The following CDH18 variants were observed in gnomAD, a reference collection of about 807,000 sequenced individuals.
CDH18 encodes cadherin 18.
In CDH18, 31 loss-of-function variants were observed where a neutral mutation model predicts 67.9. The observed-to-expected ratio is 0.46, with a 90% confidence interval of 0.34 to 0.62. The LOEUF is 0.62. Ranked by LOEUF, CDH18 falls within the 20% of genes least tolerant of loss-of-function variation. CDH18 has a pLI of 0.01. For synonymous variants in CDH18, 362 were observed against 347.2 expected, an observed-to-expected ratio of 1.04 and a Z score of -0.48; for missense variants, 890 against 975.5, an observed-to-expected ratio of 0.91 and a Z score of 1.17.
intron 5 of CDH18, among the ~76,000 whole-genome samples, chr5:19,683,854 C>G (rs1453975940): frequency 6.6e-6 from 1 of 152,058 alleles, no homozygotes; most frequent in Non-Finnish European, 1.5e-5. Context: ...ACACGTGTCC[C>G]CTGTTTCACT....
intron 2 of CDH18, among the ~76,000 whole-genome samples, chr5:20,059,217 T>G (rs1427848301): frequency 6.6e-6 from 1 of 152,138 alleles, no homozygotes; most frequent in Non-Finnish European, 1.5e-5. Context: ...GATTCTTCTC[T>G]CTTTTCTTCT....
At chr5:19,622,437 G>T (rs948454600) in intron 5 of CDH18, among the ~76,000 whole-genome samples, 2 of 152,178 alleles carry the variant, frequency 1.3e-5, no homozygotes, top group African/African-American at 2.4e-5. Context: ...ATCTTGGCTT[G>T]AGGGATTAAC....
At chr5:19,530,102 C>G (rs1279503116) in intron 9 of CDH18, among the ~76,000 whole-genome samples, 1 of 152,030 alleles carries the variant, frequency 6.6e-6, no homozygotes, top group Non-Finnish European at 1.5e-5. Context: ...GTCAGTGGTA[C>G]CAATGAGAGC....
chr5:20,544,521 T>C (rs1445403705), intron 1 of CDH18, among the ~76,000 whole-genome samples: 3 of 151,968 alleles, frequency 2.0e-5, no homozygotes, highest in Non-Finnish European at 2.9e-5. Context: ...AAACTAACAA[T>C]CATATTGGAA....
chr5:20,042,448 C>T (rs933150844), intron 2 of CDH18, among the ~76,000 whole-genome samples: 3 of 152,148 alleles, frequency 2.0e-5, no homozygotes, highest in African/African-American at 7.2e-5. Context: ...AAAAGACATA[C>T]TTCAAATCAT....
intron 5 of CDH18, 57 bp downstream of exon 5, chr5:19,721,290 G>T: frequency 1.4e-6 from 2 of 1,467,430 alleles, no homozygotes; most frequent in Non-Finnish European, 1.8e-6. Flanking sequence ...AAAAACCATT[G>T]CTTTGCAACT....
rs553458514 is a variant in CDH18 at position 20,405,982 on chromosome 5, G to C, written c.-579-150477C>G. On this transcript the variant is annotated intron_variant, in intron 1 of 14. Transcript: ENST00000507958. ...AAATAGGAACACTTTTACACTGTTGGTGGGACTGTAAACGAGTTCAACCAT... is the reference window on the plus strand; with the variant it reads ...AAATAGGAACACTTTTACACTGTTGCTGGGACTGTAAACGAGTTCAACCAT... Among the ~76,000 whole-genome samples the C allele has an allele frequency of 8.5e-5, 13 of 152,260 alleles. No homozygotes were observed. The East Asian group carries it at 2.3e-3, about 27-fold the overall frequency.
intron 1 of CDH18, among the ~76,000 whole-genome samples, chr5:20,260,295 T>C (rs1744550426): frequency 6.6e-6 from 1 of 151,966 alleles, no homozygotes; most frequent in Admixed American, 6.6e-5. Context: ...ATAAATGTTG[T>C]CCTATCCTTG....
At chr5:19,955,536 C>T (rs1293710675) in intron 2 of CDH18, among the ~76,000 whole-genome samples, 1 of 151,992 alleles carries the variant, frequency 6.6e-6, no homozygotes, top group Admixed American at 6.6e-5. Context: ...AAAGAATACA[C>T]ATTAAGAGGA....
chr5:20,059,789 G>A (rs753029423), intron 2 of CDH18, among the ~76,000 whole-genome samples: 2 of 152,144 alleles, frequency 1.3e-5, no homozygotes, highest in Non-Finnish European at 2.9e-5. Flanking sequence ...GGATTACTAT[G>A]CAGCTATAAA....
intron 2 of CDH18, among the ~76,000 whole-genome samples, chr5:20,136,294 T>C (rs1489812401): frequency 6.6e-6 from 1 of 152,204 alleles, no homozygotes; most frequent in Non-Finnish European, 1.5e-5. Flanking sequence ...GGTGCATAAA[T>C]ATTTAGGATA....
In CDH18 at chr5:20,517,683, A is replaced by G. The variant is rs190956695; in HGVS notation, c.-580+57779T>C. Among the ~76,000 whole-genome samples the G allele has an allele frequency of 9.2e-5, 14 of 152,204 alleles. No homozygotes were observed. The East Asian group carries it at 2.7e-3, about 29-fold the overall frequency. On this transcript the variant is annotated intron_variant, in intron 1 of 14. Coordinates refer to the CDH18 transcript ENST00000507958. ...TTTACGGGTTTTAGGAAGGTATTACATATACCAGAATTCAAATATTCTAAT... is the reference window on the plus strand; with the variant it reads ...TTTACGGGTTTTAGGAAGGTATTACGTATACCAGAATTCAAATATTCTAAT...
chr5:19,784,978 C>T (rs1775540849), intron 3 of CDH18, among the ~76,000 whole-genome samples: 1 of 152,114 alleles, frequency 6.6e-6, no homozygotes, highest in Admixed American at 6.6e-5. Context: ...TTAGAATCCA[C>T]CAATGACCTG....
At chr5:20,022,003 A>T in intron 2 of CDH18, among the ~76,000 whole-genome samples, 1 of 152,180 alleles carries the variant, frequency 6.6e-6, no homozygotes, top group East Asian at 1.9e-4. Flanking sequence ...ACTACAACGC[A>T]ATTGACTTTT....
At chr5:20,447,282 A>G (rs1750072814) in intron 1 of CDH18, among the ~76,000 whole-genome samples, 1 of 152,024 alleles carries the variant, frequency 6.6e-6, no homozygotes, top group African/African-American at 2.4e-5. Context: ...AAATGTTGAA[A>G]CTTAATGGCC....
intron 2 of CDH18, among the ~76,000 whole-genome samples, chr5:19,908,172 A>G (rs1313992622): frequency 6.6e-6 from 1 of 152,048 alleles, no homozygotes; most frequent in Non-Finnish European, 1.5e-5. Context: ...TCATTCATTT[A>G]CCTTGTTTTG....
chr5:19,959,554 A>G (rs1286682787), intron 2 of CDH18, among the ~76,000 whole-genome samples: 2 of 152,090 alleles, frequency 1.3e-5, no homozygotes, highest in Non-Finnish European at 2.9e-5. Context: ...CCTACAATTT[A>G]TTTAATAATG....
intron 2 of CDH18, among the ~76,000 whole-genome samples, chr5:20,172,190 GTATATATATA>G (rs70954640): frequency 4.7e-4 from 11 of 23,330 alleles, no homozygotes; most frequent in African/African-American, 9.5e-4. Context: ...AGCATTGTGT[GTATATATATA>G]TATATATATA....
Position 20,082,134 on chromosome 5 carries a change from C to CA in CDH18, c.-517-90121dup, listed in dbSNP as rs577850481. ...AATAGTTTTCTCCAACCGATGCATT[C>CA]AAAAAAAAAAAGCAAACCTGTGATA... On this transcript the variant is annotated intron_variant, in intron 2 of 14. Transcript: ENST00000507958. Among the ~76,000 whole-genome samples, 596 of 139,692 alleles carry CA rather than the reference C, an allele frequency of 4.3e-3. 2 individuals carry two copies. The highest frequency in any genetic ancestry group is 6.0e-3 in the Non-Finnish European group (385 of 63,890). The allele number at this position is 139,692 out of a possible 152,430, so 91.6% of individuals were successfully genotyped here. A position where few individuals can be genotyped will look rare whatever the true frequency, so the allele number is the denominator to read the frequency against.
Sources: gnomAD v4.1 joint callset for allele counts (sites outside exome capture counted in the v4.1 genomes callset) on GRCh38, gnomAD v4.1.1 for gene constraint, MANE v1.5 for transcripts, NCBI Gene and HGNC (gene_info 2026-07-23, HGNC 2026-07-21) for gene names.